RTTN: variants seen among roughly 807,000 people sequenced by gnomAD.
RTTN encodes the protein rotatin.
A neutral mutation model predicts 269.2 loss-of-function variants in RTTN; 182 were observed. That is an observed-to-expected ratio of 0.68 (90% CI 0.60 to 0.76). The LOEUF is 0.76. Ranked by LOEUF, RTTN falls within the 30% of genes least tolerant of loss-of-function variation. The probability of loss-of-function intolerance (pLI) is 0.00; values close to 1 mark genes in which losing one functional copy is unlikely to be tolerated. For missense variants in RTTN, 2,545 were observed against 2,608.6 expected (o/e 0.98, Z 0.53); for synonymous variants, 1,006 against 963.5 (o/e 1.04, Z -0.82).
At chr18:70,059,405 T>C (rs866219672) in intron 36 of RTTN, among the ~76,000 whole-genome samples, 37 of 152,312 alleles carry the variant, frequency 2.4e-4, no homozygotes, top group Middle Eastern at 3.4e-3. Flanking sequence ...CAGAATACTT[T>C]TTGATGAAAA....
intron 35 of RTTN, among the ~76,000 whole-genome samples, chr18:70,064,336 C>CAAAAAAAAA (rs11308196): frequency 1.6e-5 from 1 of 61,718 alleles, no homozygotes; most frequent in Non-Finnish European, 2.7e-5. Context: ...AGACTGCCTC[C>CAAAAAAAAA]AAAAAAAAAA....
intron 34 of RTTN, 41 bp downstream of exon 34, chr18:70,073,865 A>C: frequency 6.8e-7 from 1 of 1,463,738 alleles, no homozygotes; most frequent in Non-Finnish European, 9.6e-7. Context: ...AAATTTTTTC[A>C]GAGATTCAAA....
At chr18:70,064,977 GTTC>G (rs2058092939) in intron 35 of RTTN, among the ~76,000 whole-genome samples, 1 of 151,906 alleles carries the variant, frequency 6.6e-6, no homozygotes, top group African/African-American at 2.4e-5. Flanking sequence ...TGCTCCTTTT[GTTC>G]TTAAGAAGAT....
chr18:70,114,415 C>T (rs749114747), intron 27 of RTTN, 30 bp downstream of exon 27: 12 of 1,595,394 alleles, frequency 7.5e-6, no homozygotes, highest in Non-Finnish European at 1.0e-5. Flanking sequence ...TATATAAATG[C>T]ACCTAAACCT....
At chr18:70,009,428 G>A (rs767900245) in intron 46 of RTTN, among the ~76,000 whole-genome samples, 4 of 151,944 alleles carry the variant, frequency 2.6e-5, no homozygotes, top group East Asian at 1.9e-4. Flanking sequence ...GAGCCACTGC[G>A]TATGGCCCAA....
intron 16 of RTTN, among the ~76,000 whole-genome samples, 183 bp downstream of exon 16, chr18:70,149,788 C>A (rs2060490450): frequency 6.6e-6 from 1 of 152,096 alleles, no homozygotes. Context: ...AATTAGCTAT[C>A]CTGGTTTAAC....
chr18:70,178,221 T>G (rs2061347687), intron 10 of RTTN, among the ~76,000 whole-genome samples: 1 of 152,152 alleles, frequency 6.6e-6, no homozygotes, highest in Admixed American at 6.6e-5. Context: ...AGAGCAAGAC[T>G]CTGTCTCAAA....
chr18:70,201,305 C>T (rs2061938083), intron 4 of RTTN, among the ~76,000 whole-genome samples: 1 of 151,986 alleles, frequency 6.6e-6, no homozygotes, highest in Admixed American at 6.6e-5. Context: ...CACAATGCCT[C>T]AAAAAACTCA....
intron 10 of RTTN, among the ~76,000 whole-genome samples, chr18:70,177,504 T>G (rs1331868221): frequency 6.6e-6 from 1 of 152,080 alleles, no homozygotes; most frequent in Non-Finnish European, 1.5e-5. Flanking sequence ...TGAAGAAGAA[T>G]CTATGCATAG....
In RTTN at chr18:70,168,892, T is replaced by A. The variant is rs373900209; in HGVS notation, c.1652A>T (p.Glu551Val). ...KRTAEAVYSI[E>V]CTCNFLSDIG... is the part of the protein sequence containing the mutation. ...ATCAGACAGGAAGTTACAGGTGCAT[T>A]CAATTGAATAAACGGCCTCTGCAGT... The change falls in exon 12 of 49, where the codon GAA becomes GTA. Residue 551 changes from glutamate (E) to valine (V), a missense_variant. Physicochemically the swap from Glu to Val is moderately radical, Grantham distance 121 (BLOSUM62 -2). Coordinates refer to ENST00000640769, the MANE Select transcript of RTTN (RefSeq NM_173630.4). 104 of 1,612,780 alleles carry A rather than the reference T, an allele frequency of 6.4e-5. No homozygotes were observed. The highest frequency in any genetic ancestry group is 8.3e-5 in the Non-Finnish European group (98 of 1,179,624).
chr18:70,036,716 T>C (rs973408466), intron 40 of RTTN, among the ~76,000 whole-genome samples: 1 of 152,086 alleles, frequency 6.6e-6, no homozygotes, highest in Admixed American at 6.5e-5. Context: ...ATCGGCTGGG[T>C]GAGTGCAGCA....
At chr18:70,138,955 T>C (rs1801027639) in intron 21 of RTTN, 1 of 147,914 alleles carries the variant, frequency 6.8e-6, no homozygotes, top group Non-Finnish European at 1.5e-5. Flanking sequence ...GGCCTAAGTC[T>C]CTAAGAAAAA....
At chr18:70,072,096 C>T (rs2058310824) in intron 34 of RTTN, among the ~76,000 whole-genome samples, 1 of 151,990 alleles carries the variant, frequency 6.6e-6, no homozygotes, top group African/African-American at 2.4e-5. Flanking sequence ...AGATTTTTCT[C>T]CTGTTGGGAC....
chr18:70,065,350 T>G lies in RTTN; in HGVS notation c.4747+479A>C, dbSNP rs1166006997. ...CAGTTCCCAGCACAAGGAGCAAAAT[T>G]TATATATTGCCATTAATAAAAATAA... is the stretch of plus-strand genomic sequence containing the variant. On this transcript the variant is annotated intron_variant, in intron 35 of 48. Coordinates refer to ENST00000640769, the MANE Select transcript of RTTN (RefSeq NM_173630.4). 2.0e-5 allele frequency among the ~76,000 whole-genome samples: 3 copies of G among 150,234 alleles called. No individual in the cohort carries two copies. In the East Asian group the frequency reaches 5.8e-4, roughly 29 times the overall value.
At chr18:70,082,151 T>C (rs1033489093) in intron 32 of RTTN, among the ~76,000 whole-genome samples, 1 of 152,196 alleles carries the variant, frequency 6.6e-6, no homozygotes, top group Non-Finnish European at 1.5e-5. Flanking sequence ...TGAACAAGTT[T>C]ATTTAAATCA....
chr18:70,044,618 A>G (rs2057440857), intron 40 of RTTN, among the ~76,000 whole-genome samples: 1 of 152,182 alleles, frequency 6.6e-6, no homozygotes, highest in African/African-American at 2.4e-5. Flanking sequence ...AACAATAATA[A>G]TAACAGAATA....
chr18:70,159,174 C>A (rs2060761778), intron 14 of RTTN, among the ~76,000 whole-genome samples: 1 of 152,134 alleles, frequency 6.6e-6, no homozygotes, highest in Non-Finnish European at 1.5e-5. Context: ...CTAAGATCAA[C>A]CACACACTCA....
intron 39 of RTTN, among the ~76,000 whole-genome samples, chr18:70,050,394 A>G (rs1450378960): frequency 6.6e-6 from 1 of 152,238 alleles, no homozygotes; most frequent in East Asian, 1.9e-4. Context: ...GCCAGTTAGA[A>G]TGGTGATTAT....
At chr18:70,116,674 G>C (rs1234033829) in intron 26 of RTTN, among the ~76,000 whole-genome samples, 1 of 151,972 alleles carries the variant, frequency 6.6e-6, no homozygotes, top group Non-Finnish European at 1.5e-5. Flanking sequence ...ACCTCTAAAA[G>C]GCAACCATTT....
Sources: allele counts gnomAD v4.1 joint callset (sites outside exome capture counted in the v4.1 genomes callset), GRCh38; gene constraint gnomAD v4.1.1; transcripts MANE v1.5; gene names NCBI Gene and HGNC (gene_info 2026-07-23, HGNC 2026-07-21).